The following TMEM117 variants were observed in gnomAD, a reference collection of about 807,000 sequenced individuals.
TMEM117 encodes the protein transmembrane protein 117.
In TMEM117, 27 loss-of-function variants were observed where a neutral mutation model predicts 52.4. The ratio of observed to expected loss-of-function variants is 0.51; its 90% CI spans 0.38 to 0.71. TMEM117 has a LOEUF of 0.71. Ranked by LOEUF, TMEM117 falls within the 30% of genes least tolerant of loss-of-function variation. The pLI, the probability that TMEM117 is intolerant of heterozygous loss-of-function variation, is 0.00. For synonymous variants in TMEM117, 215 were observed against 206.3 expected, an observed-to-expected ratio of 1.04 and a Z score of -0.36; for missense variants, 556 against 630.5, an observed-to-expected ratio of 0.88 and a Z score of 1.26.
At chr12:43,960,882 C>T (rs1173531066) in intron 3 of TMEM117, among the ~76,000 whole-genome samples, 1 of 151,988 alleles carries the variant, frequency 6.6e-6, no homozygotes, top group Non-Finnish European at 1.5e-5. Context: ...TCATCATCAT[C>T]ATTAATCTGG....
At chr12:43,813,042 T>G in the TMEM117 span, among the ~76,000 whole-genome samples, 2 of 151,096 alleles carry the variant, frequency 1.3e-5, no homozygotes, top group Non-Finnish European at 2.9e-5. Flanking sequence ...CAGCAGCAGC[T>G]GAGTCTGCCA....
chr12:44,309,251 G>T (rs2138664968), intron 6 of TMEM117, among the ~76,000 whole-genome samples: 1 of 152,216 alleles, frequency 6.6e-6, no homozygotes, highest in Middle Eastern at 3.4e-3. Context: ...TCTTTAATTT[G>T]CCTAAGGTCA....
chr12:44,340,130 A>G (rs926182506), intron 6 of TMEM117, among the ~76,000 whole-genome samples: 3 of 152,136 alleles, frequency 2.0e-5, no homozygotes, highest in African/African-American at 7.2e-5. Flanking sequence ...TCAGTCAGGG[A>G]AAGGTAAATT....
chr12:44,383,473 T>C (rs1565780546), intron 7 of TMEM117, among the ~76,000 whole-genome samples: 2 of 152,284 alleles, frequency 1.3e-5, no homozygotes, highest in Middle Eastern at 3.4e-3. Context: ...GTAGGATTCA[T>C]TAAAAGCCCA....
chr12:44,173,328 C>T (rs899665689), intron 4 of TMEM117, among the ~76,000 whole-genome samples: 6 of 152,310 alleles, frequency 3.9e-5, no homozygotes, highest in South Asian at 4.1e-4. Flanking sequence ...CCATCCACCT[C>T]GTCCTCCCAA....
At chr12:43,834,500 A>T (rs2137329691), upstream of TMEM117, among the ~76,000 whole-genome samples, 1 of 152,356 alleles carries the variant, frequency 6.6e-6, no homozygotes, top group African/African-American at 2.4e-5. Flanking sequence ...AGTAAAATGT[A>T]CCAAGTGCTA....
At chr12:44,044,893 A>G (rs1181956253) in intron 3 of TMEM117, among the ~76,000 whole-genome samples, 7 of 152,234 alleles carry the variant, frequency 4.6e-5, no homozygotes, top group East Asian at 1.9e-4. Context: ...GCTGTAGCCA[A>G]TGGTTTAGAA....
intron 3 of TMEM117, among the ~76,000 whole-genome samples, chr12:44,107,272 C>T (rs538537270): frequency 1.8e-4 from 28 of 152,196 alleles, no homozygotes; most frequent in South Asian, 8.3e-4. Context: ...AACCTAGCCT[C>T]CTTGGCTCCA....
chr12:43,981,258 A>G (rs775064653), intron 3 of TMEM117, among the ~76,000 whole-genome samples: 1 of 152,198 alleles, frequency 6.6e-6, no homozygotes, highest in African/African-American at 2.4e-5. Context: ...GACCACTTGA[A>G]TAAAGGCTTT....
chr12:43,982,190 G>GT (rs1945771442), intron 3 of TMEM117, among the ~76,000 whole-genome samples: 2 of 152,180 alleles, frequency 1.3e-5, no homozygotes, highest in African/African-American at 4.8e-5. Flanking sequence ...AAATAGGAAT[G>GT]TGAGTTCATT....
intron 3 of TMEM117, among the ~76,000 whole-genome samples, chr12:44,010,741 A>T (rs916268101): frequency 5.9e-5 from 9 of 152,178 alleles, no homozygotes; most frequent in African/African-American, 1.9e-4. Flanking sequence ...ATAACACTGT[A>T]CCACTTGATG....
chr12:44,186,777 A>G (rs570684729), intron 4 of TMEM117, among the ~76,000 whole-genome samples: 1 of 152,294 alleles, frequency 6.6e-6, no homozygotes, highest in South Asian at 2.1e-4. Flanking sequence ...TTAATAATTT[A>G]TACATAAAAA....
intron 2 of TMEM117, among the ~76,000 whole-genome samples, chr12:43,885,473 T>TAA (rs375345774): frequency 1.3e-5 from 2 of 149,946 alleles, no homozygotes; most frequent in African/African-American, 4.9e-5. Context: ...GAACTTTTTT[T>TAA]AAAAAAACAA....
chr12:44,208,710 G>T (rs894042942), intron 4 of TMEM117, among the ~76,000 whole-genome samples: 7 of 144,452 alleles, frequency 4.8e-5, no homozygotes, highest in Non-Finnish European at 7.5e-5. Context: ...TCAGCTGCCT[G>T]GCATCAGAAA....
chr12:44,090,588 C>T (rs1332081541), intron 3 of TMEM117, among the ~76,000 whole-genome samples: 1 of 151,748 alleles, frequency 6.6e-6, no homozygotes, highest in Non-Finnish European at 1.5e-5. Context: ...AGGCATGTGC[C>T]ACCATACCCA....
At position 44,175,563 on chromosome 12, in the gene TMEM117, G is replaced by A. The variant is rs143735949; in HGVS notation, c.510+31939G>A. On this transcript the variant is annotated intron_variant, in intron 4 of 7. Coordinates refer to ENST00000266534, the MANE Select transcript of TMEM117 (RefSeq NM_032256.3). ...TACAGTTGGATATACATATTCAAAC[G>A]TCTTTTGCCCACAGATGATTATAGA... Among the ~76,000 whole-genome samples the A allele has an allele frequency of 1.7e-3, 260 of 152,294 alleles. 1 individual carries two copies. The highest frequency in any genetic ancestry group is 3.5e-3 in the Admixed American group (54 of 15,278).
chr12:43,843,492 T>A (rs1034718790), intron 1 of TMEM117, among the ~76,000 whole-genome samples: 57 of 152,144 alleles, frequency 3.7e-4, no homozygotes, highest in Non-Finnish European at 1.0e-4. Context: ...TAAGCAAGAC[T>A]TTGGAGGTGG....
intron 3 of TMEM117, among the ~76,000 whole-genome samples, chr12:44,041,394 C>G (rs1204637468): frequency 6.6e-6 from 1 of 152,024 alleles, no homozygotes; most frequent in African/African-American, 2.4e-5. Flanking sequence ...TTCAAAGAAT[C>G]TGTATCATGC....
chr12:44,094,827 G>A (rs1947730772), intron 3 of TMEM117, among the ~76,000 whole-genome samples: 1 of 150,020 alleles, frequency 6.7e-6, no homozygotes, highest in East Asian at 1.9e-4. Flanking sequence ...AAAAAGGGGA[G>A]AGAGAAATTA....
Sources: allele counts gnomAD v4.1 joint callset (sites outside exome capture counted in the v4.1 genomes callset), GRCh38; gene constraint gnomAD v4.1.1; transcripts MANE v1.5; gene names NCBI Gene and HGNC (gene_info 2026-07-23, HGNC 2026-07-21).